The following ABCA12 variants were observed in gnomAD, a reference collection of about 807,000 sequenced individuals.
The protein encoded by ABCA12 is ATP binding cassette subfamily A member 12.
Under a neutral mutation model 293.5 loss-of-function variants are expected in ABCA12, and 156 were observed. That is an observed-to-expected ratio of 0.53 (90% CI 0.47 to 0.61). The LOEUF (loss-of-function observed/expected upper bound fraction) is 0.61. Ranked by LOEUF, ABCA12 falls within the 20% of genes least tolerant of loss-of-function variation. ABCA12 has a pLI of 0.00. For missense variants in ABCA12, 2,797 were observed against 3,090.2 expected (o/e 0.91, Z 2.25); for synonymous variants, 1,063 against 1,108.0 (o/e 0.96, Z 0.81).
At chr2:214,965,974 T>C (rs1365041327) in intron 39 of ABCA12, among the ~76,000 whole-genome samples, 1 of 152,124 alleles carries the variant, frequency 6.6e-6, no homozygotes, top group African/African-American at 2.4e-5. Context: ...AGCAAAGATA[T>C]GGAATCAACC....
At chr2:214,989,654 T>C (rs766671127) in intron 24 of ABCA12, 33 bp from the exon 25 acceptor site, 1 of 1,610,772 alleles carries the variant, frequency 6.2e-7, no homozygotes, top group Admixed American at 1.7e-5. Flanking sequence ...TGATAGTTCT[T>C]GTAGATTTCA....
intron 34 of ABCA12, 78 bp from the exon 35 acceptor site, chr2:214,974,942 A>G: frequency 7.7e-7 from 1 of 1,297,376 alleles, no homozygotes; most frequent in East Asian, 2.3e-5. Context: ...TGAAGAAATG[A>G]AATGTGCTGT....
At chr2:214,969,881 C>G (rs1281517211) in intron 37 of ABCA12, among the ~76,000 whole-genome samples, 3 of 152,016 alleles carry the variant, frequency 2.0e-5, no homozygotes, top group Admixed American at 1.3e-4. Context: ...ATGAACAACA[C>G]ATTTTGTCCA....
At chr2:215,069,473 G>T (rs1233193201) in intron 2 of ABCA12, among the ~76,000 whole-genome samples, 3 of 150,074 alleles carry the variant, frequency 2.0e-5, no homozygotes, top group Admixed American at 2.0e-4. Context: ...ATTTATTAAC[G>T]TTTTTTTTTA....
chr2:214,936,264 G>C (rs527457454), intron 51 of ABCA12, among the ~76,000 whole-genome samples: 1 of 152,258 alleles, frequency 6.6e-6, no homozygotes, highest in Admixed American at 6.5e-5. Context: ...GCCTGTTTCT[G>C]TATAAGAAAA....
At chr2:215,061,700 C>T (rs940088859) in intron 3 of ABCA12, among the ~76,000 whole-genome samples, 4 of 151,888 alleles carry the variant, frequency 2.6e-5, no homozygotes, top group Non-Finnish European at 4.4e-5. Flanking sequence ...AGTGAATATA[C>T]AGCAATATAC....
chr2:215,018,125 T>C lies in ABCA12; in HGVS notation c.1665A>G (p.Leu555=). ...CTTCAACATTTTTAAACATTTCTAG[T>C]AACTGACCTGCAAGAAGAAAAATGT... ...SADASEKPGQ[L]LEMFKNVEEL... The change falls in exon 14 of 53, where the codon TTA becomes TTG. Residue 555 remains leucine, a synonymous_variant. Coordinates refer to ENST00000272895, the MANE Select transcript of ABCA12 (RefSeq NM_173076.3). 6.2e-7 allele frequency: 1 copy of C among 1,612,928 alleles called. No individual in the cohort carries two copies. Among genetic ancestry groups the C allele is most frequent in the Admixed American group, 1.7e-5 (1 of 59,964 alleles).
At chr2:215,126,166 T>C (rs1381271921) in intron 1 of ABCA12, among the ~76,000 whole-genome samples, 3 of 152,224 alleles carry the variant, frequency 2.0e-5, no homozygotes, top group Non-Finnish European at 4.4e-5. Context: ...TGGTGAATTA[T>C]CTTTCTGATA....
chr2:215,121,980 G>C (rs1331407568), intron 1 of ABCA12, among the ~76,000 whole-genome samples: 1 of 152,174 alleles, frequency 6.6e-6, no homozygotes, highest in Non-Finnish European at 1.5e-5. Flanking sequence ...CATGAGGACA[G>C]ACTAATACAC....
chr2:214,959,369 A>G (rs1699049035), intron 39 of ABCA12, among the ~76,000 whole-genome samples: 1 of 152,126 alleles, frequency 6.6e-6, no homozygotes, highest in African/African-American at 2.4e-5. Flanking sequence ...TTATATTTAA[A>G]TAAGTATGTT....
At chr2:215,134,609 A>G (rs1338830413) in intron 1 of ABCA12, among the ~76,000 whole-genome samples, 7 of 100,324 alleles carry the variant, frequency 7.0e-5, no homozygotes, top group Non-Finnish European at 1.3e-4. Flanking sequence ...CTATATATAT[A>G]TATATATAGA....
chr2:214,943,961 A>G (rs1381074759), intron 49 of ABCA12, among the ~76,000 whole-genome samples: 1 of 152,198 alleles, frequency 6.6e-6, no homozygotes, highest in Non-Finnish European at 1.5e-5. Flanking sequence ...ACTTAATACA[A>G]ATTATAAGAC....
At position 214,987,862 on chromosome 2, in the gene ABCA12, C is replaced by G. The variant is rs541139165; in HGVS notation, c.3830-69G>C. 9.0e-5 allele frequency: 140 copies of G among 1,560,566 alleles called. 1 individual carries two copies. In the East Asian group the frequency reaches 3.2e-3, roughly 36 times the overall value. On this transcript the variant is annotated intron_variant, in intron 26 of 52. Coordinates refer to ENST00000272895, the MANE Select transcript of ABCA12 (RefSeq NM_173076.3). Reference sequence around the variant, plus strand: ...TTAACATTTATCATCAGAAACAAAACAGTAGATCCTATGTATGGTTTAGGA... The same window carrying G: ...TTAACATTTATCATCAGAAACAAAAGAGTAGATCCTATGTATGGTTTAGGA...
intron 4 of ABCA12, among the ~76,000 whole-genome samples, 177 bp downstream of exon 4, chr2:215,054,396 C>T (rs1368023159): frequency 2.8e-4 from 42 of 152,190 alleles, no homozygotes; most frequent in Admixed American, 2.5e-3. Context: ...TTATTTTCAA[C>T]ACCTTTGCGT....
In ABCA12 at chr2:215,011,612, C is replaced by G. The variant is rs886055610; in HGVS notation, c.2159G>C (p.Gly720Ala). 2.5e-6 allele frequency: 4 copies of G among 1,613,882 alleles called. No homozygotes were observed. The highest frequency in any genetic ancestry group is 1.3e-5 in the African/African-American group (1 of 74,910). The change falls in exon 17 of 53, where the codon GGA (glycine) becomes GCA (alanine). Residue 720 changes from glycine to alanine, a missense_variant. Physicochemically the swap from Gly to Ala is moderately conservative, Grantham distance 60. This residue lies in a region of ABCA12 where 2,130 missense variants were observed against 2,427.0 expected (regional missense o/e 0.88). Coordinates refer to ENST00000272895, the MANE Select transcript of ABCA12 (RefSeq NM_173076.3). Reference protein sequence around the residue: ...YRSNRMNTPQGSFSTISQALC... With the variant: ...YRSNRMNTPQASFSTISQALC... ...TGCTTGGGAGATGGTGCTAAATGATCCTTGTGGTGTGTTCATTCGGTTGCT... is the reference window on the plus strand; with the variant it reads ...TGCTTGGGAGATGGTGCTAAATGATGCTTGTGGTGTGTTCATTCGGTTGCT...
intron 44 of ABCA12, among the ~76,000 whole-genome samples, chr2:214,952,367 C>T (rs10153765): frequency 0.03 from 4,631 of 151,962 alleles, 241 homozygotes; most frequent in African/African-American, 0.11. Flanking sequence ...ATTACAGGTG[C>T]GTGCCATCAC....
chr2:214,938,342 A>C (rs1698287448), intron 50 of ABCA12, among the ~76,000 whole-genome samples: 1 of 151,888 alleles, frequency 6.6e-6, no homozygotes, highest in Middle Eastern at 3.2e-3. Context: ...TATGTGCCAC[A>C]TTTTCTTTAT....
At chr2:214,978,156 T>C (rs1355826447) in intron 33 of ABCA12, among the ~76,000 whole-genome samples, 160 bp downstream of exon 33, 1 of 152,356 alleles carries the variant, frequency 6.6e-6, no homozygotes, top group East Asian at 1.9e-4. Context: ...GTTTAATGAA[T>C]ATTTTATATC....
chr2:215,124,085 C>A (rs1010785534), intron 1 of ABCA12, among the ~76,000 whole-genome samples: 2 of 152,184 alleles, frequency 1.3e-5, no homozygotes, highest in Non-Finnish European at 2.9e-5. Flanking sequence ...CAGGTCACTG[C>A]AAATGCTGTT....
Sources: allele counts gnomAD v4.1 joint callset (sites outside exome capture counted in the v4.1 genomes callset), GRCh38; gene constraint gnomAD v4.1.1; regional missense constraint gnomAD v4.1.1; transcripts MANE v1.5; gene names NCBI Gene and HGNC (gene_info 2026-07-23, HGNC 2026-07-21).